Variants in PDE3A observed in about 807,000 individuals in gnomAD.
PDE3A encodes cGMP-inhibited 3',5'-cyclic phosphodiesterase 3A.
Under a neutral mutation model 98.3 loss-of-function variants are expected in PDE3A, and 43 were observed. That is an observed-to-expected ratio of 0.44 (90% CI 0.34 to 0.56). The LOEUF is 0.56. PDE3A is among the 20% of genes least tolerant of loss of function. The pLI, the probability that PDE3A is intolerant of heterozygous loss-of-function variation, is 0.01. For synonymous variants in PDE3A, 663 were observed against 567.9 expected, an observed-to-expected ratio of 1.17 and a Z score of -2.38; for missense variants, 1,427 against 1,440.7, an observed-to-expected ratio of 0.99 and a Z score of 0.15.
chr12:20,494,468 A>G (rs1310233694), intron 1 of PDE3A, among the ~76,000 whole-genome samples: 1 of 152,072 alleles, frequency 6.6e-6, no homozygotes, highest in Non-Finnish European at 1.5e-5. Context: ...AGTGACTTGA[A>G]ACTCATGCTG....
intron 2 of PDE3A, among the ~76,000 whole-genome samples, chr12:20,603,211 G>A (rs1326798590): frequency 7.2e-5 from 11 of 152,122 alleles, no homozygotes; most frequent in Admixed American, 1.3e-4. Context: ...CTGTTTATTC[G>A]TCTCTTATCC....
At chr12:20,526,949 A>G (rs1383186104) in intron 1 of PDE3A, among the ~76,000 whole-genome samples, 2 of 134,866 alleles carry the variant, frequency 1.5e-5, no homozygotes, top group Admixed American at 7.7e-5. Flanking sequence ...ACCAAGTCTC[A>G]CTCTTGTCCC....
Position 20,368,901 on chromosome 12 carries a change from A to T in PDE3A, c.-384A>T, listed in dbSNP as rs1174595882. Among the ~76,000 whole-genome samples, 1 of 151,514 alleles carries T rather than the reference A, an allele frequency of 6.6e-6. No individual in the cohort carries two copies. Among genetic ancestry groups the T allele is most frequent in the African/African-American group, 2.4e-5 (1 of 41,304 alleles). ...TCAGCGGCTCCTGCGCGCGGGATGC[A>T]TTGGGCAATTTTTGAAATCCTGAAG... On this transcript the variant is annotated 5_prime_UTR_variant, in exon 1 of 16. Coordinates refer to ENST00000359062, the MANE Select transcript of PDE3A (RefSeq NM_000921.5).
At chr12:20,375,854 C>T (rs1813917913) in intron 1 of PDE3A, among the ~76,000 whole-genome samples, 1 of 151,810 alleles carries the variant, frequency 6.6e-6, no homozygotes, top group Admixed American at 6.6e-5. Flanking sequence ...TAACCTGGCT[C>T]CAGGACTCAT....
At chr12:20,405,905 G>A (rs559044803) in intron 1 of PDE3A, among the ~76,000 whole-genome samples, 4 of 152,184 alleles carry the variant, frequency 2.6e-5, no homozygotes, top group Non-Finnish European at 4.4e-5. Flanking sequence ...ACCTTCCAGC[G>A]CTTGACAATC....
chr12:20,599,110 C>G (rs79901334), intron 2 of PDE3A, among the ~76,000 whole-genome samples: 4,919 of 152,264 alleles, frequency 0.032, 105 homozygotes, highest in Non-Finnish European at 0.048. Flanking sequence ...AAAGCAGTAA[C>G]TTCCCCTGCC....
At chr12:20,607,995 C>T (rs1461499875) in intron 2 of PDE3A, among the ~76,000 whole-genome samples, 3 of 152,106 alleles carry the variant, frequency 2.0e-5, no homozygotes, top group South Asian at 2.1e-4. Flanking sequence ...ATGGAAAAAA[C>T]TTCTGTGTGA....
chr12:20,626,295 A>C (rs1461919279), intron 5 of PDE3A, among the ~76,000 whole-genome samples: 1 of 147,420 alleles, frequency 6.8e-6, no homozygotes, highest in Non-Finnish European at 1.5e-5. Context: ...GGTCTTCAAA[A>C]TATGCATGCA....
intron 1 of PDE3A, among the ~76,000 whole-genome samples, chr12:20,555,943 A>G (rs1942358710): frequency 6.6e-6 from 1 of 152,122 alleles, no homozygotes; most frequent in African/African-American, 2.4e-5. Context: ...TTAGCTGTAA[A>G]TACTTCTTCA....
intron 1 of PDE3A, among the ~76,000 whole-genome samples, chr12:20,542,638 T>C (rs1352964118): frequency 6.6e-6 from 1 of 152,026 alleles, no homozygotes; most frequent in African/African-American, 2.4e-5. Flanking sequence ...TAAATAAAAA[T>C]AAAAACCGTT....
chr12:20,527,300 TG>T (rs1244011404), intron 1 of PDE3A, among the ~76,000 whole-genome samples: 2 of 152,162 alleles, frequency 1.3e-5, no homozygotes, highest in Admixed American at 6.5e-5. Flanking sequence ...AGAAGATGAA[TG>T]GATCACTCGT....
chr12:20,572,037 A>C (rs1942812634), intron 2 of PDE3A: 4 of 1,133,202 alleles, frequency 3.5e-6, no homozygotes, highest in Admixed American at 4.1e-5. Context: ...CTGGAGTTGC[A>C]ATCAGTATTC....
At position 20,395,688 on chromosome 12, in the gene PDE3A, TTA is replaced by T. The variant is rs5796857; in HGVS notation, c.960+25460_960+25461del. On this transcript the variant is annotated intron_variant, in intron 1 of 15. Coordinates refer to ENST00000359062, the MANE Select transcript of PDE3A (RefSeq NM_000921.5). ...ACTACATATAACTAGAATAGAATCA[TTA>T]TATATATATATATATCTCTAGCAAA... Among the ~76,000 whole-genome samples the T allele has an allele frequency of 2.0e-3, 281 of 143,402 alleles. 1 individual carries two copies. Among genetic ancestry groups the T allele is most frequent in the African/African-American group, 6.4e-3 (253 of 39,458 alleles). 94.1% of individuals were successfully genotyped at this position (143,402 alleles called of 152,430 possible). A position where few individuals can be genotyped will look rare whatever the true frequency, so the allele number is the denominator to read the frequency against.
At chr12:20,390,472 A>AC (rs1431991262) in intron 1 of PDE3A, among the ~76,000 whole-genome samples, 4 of 150,932 alleles carry the variant, frequency 2.7e-5, no homozygotes, top group Non-Finnish European at 5.9e-5. Flanking sequence ...AAAAAAAAAA[A>AC]ACTGCAGTTG....
intron 2 of PDE3A, among the ~76,000 whole-genome samples, chr12:20,599,610 G>T: frequency 6.6e-6 from 1 of 151,952 alleles, no homozygotes; most frequent in East Asian, 1.9e-4. Flanking sequence ...TCATGGAAAA[G>T]GTATCTCCCA....
chr12:20,473,572 A>G (rs574944288), intron 1 of PDE3A, among the ~76,000 whole-genome samples: 1 of 152,308 alleles, frequency 6.6e-6, no homozygotes, highest in South Asian at 2.1e-4. Context: ...ATCAGTGACT[A>G]CAGTTTCCTG....
intron 1 of PDE3A, among the ~76,000 whole-genome samples, chr12:20,531,139 T>G (rs1941587726): frequency 6.6e-6 from 1 of 152,208 alleles, no homozygotes; most frequent in African/African-American, 2.4e-5. Flanking sequence ...TTTCTATTTA[T>G]CTTCATATTC....
intron 1 of PDE3A, among the ~76,000 whole-genome samples, chr12:20,466,529 C>T (rs1409660723): frequency 6.6e-6 from 1 of 151,938 alleles, no homozygotes; most frequent in African/African-American, 2.4e-5. Context: ...AGTAATACTT[C>T]GAATGTGAAT....
At chr12:20,549,388 CT>C (rs1387471385) in intron 1 of PDE3A, among the ~76,000 whole-genome samples, 1 of 141,904 alleles carries the variant, frequency 7.0e-6, no homozygotes, top group East Asian at 2.0e-4. Context: ...ATCATTGCCT[CT>C]TTCTTTGCAT....
Sources: allele counts gnomAD v4.1 joint callset (sites outside exome capture counted in the v4.1 genomes callset), GRCh38; gene constraint gnomAD v4.1.1; transcripts MANE v1.5; gene names NCBI Gene and HGNC (gene_info 2026-07-23, HGNC 2026-07-21).